GSAP: variants seen among roughly 807,000 people sequenced by gnomAD.
The protein encoded by GSAP is gamma-secretase-activating protein.
A neutral mutation model predicts 131.7 loss-of-function variants in GSAP; 118 were observed. That is an observed-to-expected ratio of 0.90 (90% CI 0.77 to 1.04). The LOEUF (loss-of-function observed/expected upper bound fraction) is 1.04, where lower values mean the gene tolerates loss of function less well. Among genes scored for constraint, GSAP ranks in the 50% least tolerant of loss-of-function variants. GSAP has a pLI of 0.00. For synonymous variants in GSAP, 381 were observed against 363.4 expected (o/e 1.05, Z -0.55); for missense variants, 1,019 against 1,013.2 (o/e 1.01, Z -0.08).
chr7:77,329,271 A>G (rs1038939493), intron 21 of GSAP, 62 bp downstream of exon 21: 5 of 938,480 alleles, frequency 5.3e-6, no homozygotes, highest in African/African-American at 1.7e-5. Context: ...GGTAGCCAAC[A>G]AAACAAAGTA....
At chr7:77,330,403 C>A in intron 19 of GSAP, 36 bp from the exon 20 acceptor site, 1 of 1,606,006 alleles carries the variant, frequency 6.2e-7, no homozygotes, top group Non-Finnish European at 8.5e-7. Context: ...CCTTCAGAGG[C>A]AGGCCCAGTG....
At position 77,373,461 on chromosome 7, in the gene GSAP, C is replaced by T. The variant is rs112766445; in HGVS notation, c.871+609G>A. Reference sequence around the variant, plus strand: ...GGATATTAAAAATGGCTATTACATGCAGTTATCAGAGCTGATTATTTAGAT... The same window carrying T: ...GGATATTAAAAATGGCTATTACATGTAGTTATCAGAGCTGATTATTTAGAT... On this transcript the variant is annotated intron_variant, in intron 12 of 30. Coordinates refer to ENST00000257626, the MANE Select transcript of GSAP (RefSeq NM_017439.4). Among the ~76,000 whole-genome samples the T allele has an allele frequency of 4.2e-4, 64 of 152,274 alleles. 1 individual carries two copies. The highest frequency in any genetic ancestry group is 1.5e-3 in the African/African-American group (61 of 41,562).
At chr7:77,314,552 T>C (rs1040702564) in intron 26 of GSAP, 63 bp from the exon 27 acceptor site, 4 of 1,593,442 alleles carry the variant, frequency 2.5e-6, no homozygotes, top group Non-Finnish European at 3.4e-6. Flanking sequence ...CCCCGGGGAA[T>C]GGATTAGATC....
chr7:77,345,104 G>A (rs946952947), intron 19 of GSAP, among the ~76,000 whole-genome samples: 4 of 152,130 alleles, frequency 2.6e-5, no homozygotes, highest in Admixed American at 2.0e-4. Flanking sequence ...TCTCTAATTG[G>A]AGGTCCTCCC....
chr7:77,392,361 A>C (rs1388371238), intron 5 of GSAP, among the ~76,000 whole-genome samples: 4 of 152,140 alleles, frequency 2.6e-5, no homozygotes, highest in Admixed American at 1.3e-4. Context: ...CAGCCTGGGC[A>C]ACATGACTAA....
chr7:77,403,589 T>C (rs1801753646), intron 3 of GSAP, among the ~76,000 whole-genome samples: 1 of 152,002 alleles, frequency 6.6e-6, no homozygotes, highest in African/African-American at 2.4e-5. Flanking sequence ...AGGAAAGGGG[T>C]TCCTTGTCTG....
intron 8 of GSAP, chr7:77,380,065 G>C (rs972122700): frequency 2.9e-6 from 1 of 345,934 alleles, no homozygotes; most frequent in South Asian, 1.2e-4. Context: ...AAATTATCAA[G>C]AAAAAGACAA....
At chr7:77,337,619 A>T (rs1239283779) in intron 19 of GSAP, among the ~76,000 whole-genome samples, 1 of 152,152 alleles carries the variant, frequency 6.6e-6, no homozygotes. Context: ...GAGTGGCCAT[A>T]AGTAGAAGGG....
chr7:77,384,924 G>C (rs1269147200), intron 6 of GSAP, among the ~76,000 whole-genome samples: 1 of 152,146 alleles, frequency 6.6e-6, no homozygotes, highest in Non-Finnish European at 1.5e-5. Context: ...GGGGCAGAAG[G>C]CAGGGCTAGG....
intron 20 of GSAP, 115 bp downstream of exon 20, chr7:77,330,124 C>T: frequency 3.3e-6 from 4 of 1,222,500 alleles, no homozygotes; most frequent in Non-Finnish European, 4.5e-6. Context: ...GATCAAGTCC[C>T]TGGCAATTGG....
intron 23 of GSAP, among the ~76,000 whole-genome samples, chr7:77,325,358 T>C (rs568304933): frequency 1.3e-5 from 2 of 152,290 alleles, no homozygotes; most frequent in South Asian, 4.1e-4. Context: ...CCTAAACTAA[T>C]AAATAGATTA....
chr7:77,344,909 T>C (rs1296113698), intron 19 of GSAP, among the ~76,000 whole-genome samples: 1 of 152,186 alleles, frequency 6.6e-6, no homozygotes, highest in East Asian at 1.9e-4. Context: ...CCAAAATCGC[T>C]GAGGCCTCAA....
At chr7:77,333,434 G>A (rs910637632) in intron 19 of GSAP, among the ~76,000 whole-genome samples, 11 of 152,166 alleles carry the variant, frequency 7.2e-5, no homozygotes, top group African/African-American at 2.7e-4. Context: ...AGCCTCAGCT[G>A]CCCATTGGAA....
Position 77,402,616 on chromosome 7 carries a change from A to AAAAAAAAAAAAAAAAAAAAG in GSAP, c.243+1942_243+1943insCTTTTTTTTTTTTTTTTTTT, listed in dbSNP as rs375595494. ...CTCAAAAAAAAAAAAAAAAAAAAAA[A>AAAAAAAAAAAAAAAAAAAAG]GAATTTTAAAGCCCATCTAGATTTG... On this transcript the variant is annotated intron_variant, in intron 3 of 30. Transcript: ENST00000257626. Among the ~76,000 whole-genome samples, 2 of 80,422 alleles carry AAAAAAAAAAAAAAAAAAAAG rather than the reference A, an allele frequency of 2.5e-5. 1 individual carries two copies. The highest frequency in any genetic ancestry group is 3.5e-4 in the Admixed American group (2 of 5,668). 52.8% of individuals were successfully genotyped at this position (80,422 alleles called of 152,430 possible). A position where few individuals can be genotyped will look rare whatever the true frequency, so the allele number is the denominator to read the frequency against.
In GSAP at chr7:77,343,620, A is replaced by C. The variant is rs190349090; in HGVS notation, c.1545+5731T>G. 7.2e-5 allele frequency among the ~76,000 whole-genome samples: 11 copies of C among 152,298 alleles called. No individual in the cohort carries two copies. In the East Asian group the frequency reaches 1.2e-3, roughly 16 times the overall value. On this transcript the variant is annotated intron_variant, in intron 19 of 30. Coordinates refer to ENST00000257626, the MANE Select transcript of GSAP (RefSeq NM_017439.4). ...GCTTATGCTGATAAGGTAGCTAAAG[A>C]AGCAGCTAGCATTCCAATTTCTGTC...
chr7:77,311,807 G>A (rs756199199), intron 30 of GSAP, 34 bp downstream of exon 30: 1 of 1,008,980 alleles, frequency 9.9e-7, no homozygotes, highest in Non-Finnish European at 1.6e-6. Context: ...CAAGGGAAAA[G>A]TGGTAAGACC....
intron 19 of GSAP, among the ~76,000 whole-genome samples, chr7:77,345,789 C>T (rs957128276): frequency 2.6e-5 from 4 of 152,288 alleles, no homozygotes; most frequent in East Asian, 1.9e-4. Flanking sequence ...TGACTCTTTT[C>T]GGACTCAGCC....
chr7:77,356,905 G>A (rs1383691928), intron 14 of GSAP, among the ~76,000 whole-genome samples: 2 of 152,218 alleles, frequency 1.3e-5, no homozygotes, highest in Admixed American at 1.3e-4. Context: ...TGACTTACAA[G>A]TGTCCTTTCA....
intron 17 of GSAP, 133 bp downstream of exon 17, chr7:77,353,439 G>GT (rs779344531): frequency 8.4e-5 from 50 of 592,314 alleles, no homozygotes; most frequent in Middle Eastern, 3.9e-4. Flanking sequence ...CTCCGATAGA[G>GT]TTTTGTTTTT....
Sources: gnomAD v4.1 joint callset for allele counts (sites outside exome capture counted in the v4.1 genomes callset) on GRCh38, gnomAD v4.1.1 for gene constraint, MANE v1.5 for transcripts, NCBI Gene and HGNC (gene_info 2026-07-23, HGNC 2026-07-21) for gene names.